DYRK1A: variants seen among roughly 807,000 people sequenced by gnomAD.
DYRK1A encodes dual specificity tyrosine-phosphorylation-regulated kinase 1A.
Under a neutral mutation model 79.7 loss-of-function variants are expected in DYRK1A, and 9 were observed. The ratio of observed to expected loss-of-function variants is 0.11; its 90% CI spans 0.07 to 0.20. The LOEUF is 0.20. Ranked by LOEUF, DYRK1A falls within the 10% of genes least tolerant of loss-of-function variation. The pLI is 1.00. For synonymous variants in DYRK1A, 349 were observed against 329.7 expected, an observed-to-expected ratio of 1.06 and a Z score of -0.63; for missense variants, 622 against 956.0, an observed-to-expected ratio of 0.65 and a Z score of 4.61.
At chr21:37,455,687 G>A (rs1482151369) in intron 2 of DYRK1A, among the ~76,000 whole-genome samples, 1 of 152,074 alleles carries the variant, frequency 6.6e-6, no homozygotes, top group Non-Finnish European at 1.5e-5. Flanking sequence ...GCTTGGGCTG[G>A]TGCAGTAAGC....
At position 37,391,893 on chromosome 21, in the gene DYRK1A, T is replaced by TAG. The variant is rs1345909500; in HGVS notation, c.-77+24266_-77+24267dup. Among the ~76,000 whole-genome samples, 4 of 152,378 alleles carry TAG rather than the reference T, an allele frequency of 2.6e-5. No homozygotes were observed. The East Asian group carries it at 7.7e-4, about 29-fold the overall frequency. On this transcript the variant is annotated intron_variant, in intron 1 of 11. Transcript: ENST00000647188. The stretch of plus-strand genomic sequence containing the variant: ...GGCACAGAGCCTCTGCCAGGGCATG[T>TAG]AGTAGGTGTGTTCAGTGCATTAAAC...
At chr21:37,463,232 G>GTGTGTGTGTGTGTGTGTGTA (rs1555973890) in intron 2 of DYRK1A, among the ~76,000 whole-genome samples, 1 of 147,500 alleles carries the variant, frequency 6.8e-6, no homozygotes, top group African/African-American at 2.5e-5. Flanking sequence ...GTGTGTGTGT[G>GTGTGTGTGTGTGTGTGTGTA]TATCCTGTAG....
intron 10 of DYRK1A, among the ~76,000 whole-genome samples, 170 bp downstream of exon 10, chr21:37,505,759 A>G (rs985855480): frequency 5.9e-5 from 9 of 152,204 alleles, no homozygotes; most frequent in African/African-American, 1.9e-4. Context: ...AAGCTCCAAT[A>G]TTTAGTTACG....
At chr21:37,386,377 G>A (rs2049760765) in intron 1 of DYRK1A, among the ~76,000 whole-genome samples, 2 of 152,040 alleles carry the variant, frequency 1.3e-5, no homozygotes, top group Admixed American at 6.6e-5. Context: ...GTCAGAGACC[G>A]CTGCTGTAGA....
chr21:37,472,903 A>G (rs2052275939), intron 3 of DYRK1A, 23 bp downstream of exon 3: 6 of 1,463,408 alleles, frequency 4.1e-6, no homozygotes, highest in Non-Finnish European at 5.5e-6. Flanking sequence ...AGTATCAGAA[A>G]TGACTATTGG....
intron 1 of DYRK1A, among the ~76,000 whole-genome samples, chr21:37,396,528 G>A (rs77459532): frequency 1.4e-5 from 2 of 146,036 alleles, no homozygotes; most frequent in Non-Finnish European, 3.0e-5. Flanking sequence ...AAGTTTTTTT[G>A]TTTTTTTTTT....
At chr21:37,431,996 GT>G (rs1158513641) in intron 2 of DYRK1A, among the ~76,000 whole-genome samples, 2 of 152,166 alleles carry the variant, frequency 1.3e-5, no homozygotes, top group African/African-American at 4.8e-5. Context: ...ACAAAAACCA[GT>G]TTTTAAACCC....
intron 2 of DYRK1A, among the ~76,000 whole-genome samples, chr21:37,437,203 T>A (rs1601084504): frequency 6.6e-6 from 1 of 152,192 alleles, no homozygotes; most frequent in East Asian, 1.9e-4. Flanking sequence ...TGGGGGATTT[T>A]TGAATTTTTT....
intron 2 of DYRK1A, among the ~76,000 whole-genome samples, chr21:37,464,962 G>GGAAT (rs762301863): frequency 6.6e-6 from 1 of 152,188 alleles, no homozygotes; most frequent in Non-Finnish European, 1.5e-5. Flanking sequence ...TCATAGGAAA[G>GGAAT]GAATGAATGA....
At chr21:37,432,257 C>G (rs892401645) in intron 2 of DYRK1A, among the ~76,000 whole-genome samples, 1 of 151,934 alleles carries the variant, frequency 6.6e-6, no homozygotes, top group Non-Finnish European at 1.5e-5. Context: ...TTAGTTGATT[C>G]AGAAGAGTAA....
chr21:37,488,257 C>A, intron 6 of DYRK1A: 2 of 702,196 alleles, frequency 2.8e-6, no homozygotes, highest in South Asian at 6.5e-5. Flanking sequence ...ATGGTGAATG[C>A]ATAACGTCTC....
chr21:37,521,285 A>C lies in DYRK1A; in HGVS notation c.*8754A>C, dbSNP rs1422925653. 1 of 152,210 alleles carries C rather than the reference A, an allele frequency of 6.6e-6. No homozygotes were observed. Among genetic ancestry groups the C allele is most frequent in the African/African-American group, 2.4e-5 (1 of 41,452 alleles). 9.4% of individuals were successfully genotyped at this position (152,210 alleles called of 1,614,324 possible). ...GGCAAAATTAAAACAGTGAACTTGA[A>C]ATATCTCCCCTACTCCCTGCAGAGA... On this transcript the variant is annotated 3_prime_UTR_variant, in exon 12 of 12. Transcript: ENST00000647188.
At chr21:37,384,796 A>C (rs1050300797) in intron 1 of DYRK1A, among the ~76,000 whole-genome samples, 3 of 152,176 alleles carry the variant, frequency 2.0e-5, no homozygotes, top group Admixed American at 2.0e-4. Flanking sequence ...GAAGGTATAC[A>C]AAAGACCCAG....
At position 37,396,520 on chromosome 21, in the gene DYRK1A, G is replaced by GT. The variant is rs1381705157; in HGVS notation, c.-76-23772dup. On this transcript the variant is annotated intron_variant, in intron 1 of 11. Transcript: ENST00000647188. ...AGTCAGTGAATTAAATTAATCCAAAGTTTTTTTGTTTTTTTTTTTAAGTGT... is the reference window on the plus strand; with the variant it reads ...AGTCAGTGAATTAAATTAATCCAAAGTTTTTTTTGTTTTTTTTTTTAAGTGT... Among the ~76,000 whole-genome samples, 8 of 136,574 alleles carry GT rather than the reference G, an allele frequency of 5.9e-5. No homozygotes were observed. The East Asian group carries it at 9.2e-4, about 16-fold the overall frequency. The allele number at this position is 136,574 out of a possible 152,430, so 89.6% of individuals were successfully genotyped here.
At chr21:37,452,199 G>A (rs983836703) in intron 2 of DYRK1A, among the ~76,000 whole-genome samples, 20 of 151,880 alleles carry the variant, frequency 1.3e-4, no homozygotes, top group Non-Finnish European at 1.6e-4. Context: ...AATACACTGA[G>A]GGAGGGCATG....
intron 1 of DYRK1A, among the ~76,000 whole-genome samples, chr21:37,398,294 A>T (rs930446244): frequency 6.6e-6 from 1 of 150,948 alleles, no homozygotes; most frequent in African/African-American, 2.4e-5. Context: ...GTATGGTAGG[A>T]TTGCACCTCT....
chr21:37,463,232 G>GTGTGTGTGTGTGTGTA (rs1555973890), intron 2 of DYRK1A, among the ~76,000 whole-genome samples: 33 of 147,500 alleles, frequency 2.2e-4, no homozygotes, highest in African/African-American at 7.8e-4. Context: ...GTGTGTGTGT[G>GTGTGTGTGTGTGTGTA]TATCCTGTAG....
rs549180843 is a variant in DYRK1A, at chr21:37,512,471, T to C, written c.2205T>C (p.Asp735=). 3 of 1,614,226 alleles carry C rather than the reference T, an allele frequency of 1.9e-6. No homozygotes were observed. Among genetic ancestry groups the C allele is most frequent in the African/African-American group, 2.7e-5 (2 of 75,064 alleles). The change falls in exon 12 of 12, where the codon GAT becomes GAC. Residue 735 remains aspartate (D), a synonymous_variant. Coordinates refer to ENST00000647188, the MANE Select transcript of DYRK1A (RefSeq NM_001347721.2). ...EGHLTMRQGA[D]REESPMTGVC... The stretch of plus-strand genomic sequence containing the variant: ...ATCTGACAATGAGGCAAGGGGCTGA[T>C]AGAGAAGAGTCCCCCATGACAGGAG...
intron 11 of DYRK1A, among the ~76,000 whole-genome samples, chr21:37,507,018 C>G (rs1302468221): frequency 6.6e-6 from 1 of 152,222 alleles, no homozygotes; most frequent in Non-Finnish European, 1.5e-5. Flanking sequence ...GTCCCATCCT[C>G]TCCTATTCTC....
Sources: gnomAD v4.1 joint callset for allele counts (sites outside exome capture counted in the v4.1 genomes callset) on GRCh38, gnomAD v4.1.1 for gene constraint, MANE v1.5 for transcripts, NCBI Gene and HGNC (gene_info 2026-07-23, HGNC 2026-07-21) for gene names.